The following MYO7A variants were observed in gnomAD, a reference collection of about 807,000 sequenced individuals.
The protein encoded by MYO7A is myosin VIIA, also known as unconventional myosin-VIIa.
Under a neutral mutation model 263.8 loss-of-function variants are expected in MYO7A, and 210 were observed. That is an observed-to-expected ratio of 0.80 (90% CI 0.71 to 0.89). The LOEUF (loss-of-function observed/expected upper bound fraction) is 0.89. MYO7A is among the 40% of genes least tolerant of loss of function. The pLI is 0.00. For missense variants in MYO7A, 2,820 were observed against 2,968.3 expected, an observed-to-expected ratio of 0.95 and a Z score of 1.16; for synonymous variants, 1,239 against 1,197.3, an observed-to-expected ratio of 1.03 and a Z score of -0.72.
In MYO7A at chr11:77,156,016, C is replaced by G. The variant is rs370395532; in HGVS notation, c.395C>G (p.Pro132Arg). 2 of 1,613,986 alleles carry G rather than the reference C, an allele frequency of 1.2e-6. No homozygotes were observed. Among genetic ancestry groups the G allele is most frequent in the East Asian group, 2.2e-5 (1 of 44,890 alleles). Residue 132 changes from proline to arginine, a missense_variant, in exon 5 of 49, where the codon CCC becomes CGC. Physicochemically the swap from Pro to Arg is moderately radical, Grantham distance 103 (BLOSUM62 -2). Transcript: ENST00000409709. ...YTNKKIGEMP[P>R]HIFAIADNCY... ...AACAAGAAGATTGGGGAGATGCCCC[C>G]CCACATCTTTGCCATTGCTGACAAC...
At chr11:77,175,072 A>T (rs1470052044) in intron 17 of MYO7A, among the ~76,000 whole-genome samples, 158 bp downstream of exon 17, 1 of 152,196 alleles carries the variant, frequency 6.6e-6, no homozygotes, top group African/African-American at 2.4e-5. Context: ...GGAATGCATC[A>T]GTGGGCTTCA....
At chr11:77,198,794 G>A (rs1490962754) in intron 34 of MYO7A, among the ~76,000 whole-genome samples, 173 bp downstream of exon 34, 2 of 152,224 alleles carry the variant, frequency 1.3e-5, no homozygotes, top group African/African-American at 4.8e-5. Flanking sequence ...TGGAGGGATG[G>A]GCTTGGGCTT....
rs1565421180 is a variant in MYO7A at position 77,184,722 on chromosome 11, GC to G, written c.3503+9del. The G allele has an allele frequency of 1.3e-6, 2 of 1,554,166 alleles. No individual in the cohort carries two copies. Among genetic ancestry groups the G allele is most frequent in the African/African-American group, 3.0e-5 (2 of 66,046 alleles). ...TCCTGCGGCCAGCACTCCGGTCAGT[GC>G]CGGGAGGCGGGGACACCAGGGCCTG... On this transcript the variant is annotated splice_region_variant and intron_variant, in intron 27 of 48. Transcript: ENST00000409709.
At chr11:77,190,898 C>A (rs148509471) in intron 30 of MYO7A, 28 bp downstream of exon 30, 1 of 1,526,814 alleles carries the variant, frequency 6.5e-7, no homozygotes, top group South Asian at 1.2e-5. Context: ...CACCTCCTCC[C>A]GGAAGCACCT....
At chr11:77,189,201 A>G in intron 27 of MYO7A, 143 bp from the exon 28 acceptor site, 1 of 1,225,010 alleles carries the variant, frequency 8.2e-7, no homozygotes, top group Non-Finnish European at 1.1e-6. Flanking sequence ...CCTGCCACCC[A>G]GCCTCACTCT....
rs757971917 is a variant in MYO7A, at chr11:77,199,613, C to A, written c.4647C>A (p.Thr1549=). The change falls in exon 35 of 49, where the codon ACC becomes ACA. Residue 1549 remains threonine, a synonymous_variant. Transcript: ENST00000409709. ...AAPHSGWAGL[T]PAGPCSPCWS... Reference sequence around the variant, plus strand: ...CTCACTCAGGCTGGGCAGGACTGACCCCGGCGGGGCCCTGTTCTCCGTGTT... The same window carrying A: ...CTCACTCAGGCTGGGCAGGACTGACACCGGCGGGGCCCTGTTCTCCGTGTT... 101 of 1,602,340 alleles carry A rather than the reference C, an allele frequency of 6.3e-5. No homozygotes were observed. Among genetic ancestry groups the A allele is most frequent in the Non-Finnish European group, 8.2e-5 (96 of 1,175,194 alleles).
intron 4 of MYO7A, among the ~76,000 whole-genome samples, chr11:77,150,083 A>G (rs1223433612): frequency 6.6e-6 from 1 of 152,202 alleles, no homozygotes; most frequent in Admixed American, 6.5e-5. Context: ...ACCTGCCTGC[A>G]GGGTACTTCC....
At chr11:77,145,490 G>C (rs1434188351) in intron 3 of MYO7A, among the ~76,000 whole-genome samples, 1 of 152,200 alleles carries the variant, frequency 6.6e-6, no homozygotes, top group African/African-American at 2.4e-5. Context: ...GGGACCTGAG[G>C]CTGGGGTCAA....
intron 3 of MYO7A, among the ~76,000 whole-genome samples, chr11:77,143,564 G>A (rs186411254): frequency 5.1e-4 from 78 of 152,372 alleles, no homozygotes; most frequent in Middle Eastern, 3.4e-3. Flanking sequence ...GTTCACGTGA[G>A]GGCCCGGAGG....
At chr11:77,156,554 A>T in intron 5 of MYO7A, 106 bp from the exon 6 acceptor site, 1 of 1,515,400 alleles carries the variant, frequency 6.6e-7, no homozygotes. Context: ...TTGTCAGCTG[A>T]TATTACAGAT....
At chr11:77,196,242 C>A (rs1432766078) in intron 32 of MYO7A, among the ~76,000 whole-genome samples, 1 of 152,148 alleles carries the variant, frequency 6.6e-6, no homozygotes, top group Non-Finnish European at 1.5e-5. Context: ...TGGTGGGTGC[C>A]TGTGATCCTA....
At chr11:77,181,677 C>T (rs781843245) in intron 23 of MYO7A, 88 bp downstream of exon 23, 1 of 1,281,176 alleles carries the variant, frequency 7.8e-7, no homozygotes, top group Non-Finnish European at 1.1e-6. Context: ...CCTTAAAGCC[C>T]ACCCAGTCCC....
intron 25 of MYO7A, among the ~76,000 whole-genome samples, chr11:77,182,856 G>A (rs999249086): frequency 3.9e-5 from 6 of 152,194 alleles, no homozygotes; most frequent in Non-Finnish European, 7.3e-5. Flanking sequence ...GCCAGCTCCC[G>A]TACTATGTTT....
rs1383845844 is a variant in MYO7A, at chr11:77,211,814, C to T, written c.6238-7C>T. The stretch of plus-strand genomic sequence containing the variant: ...TGAGCCCAGCCCTGACCGCCCTGTC[C>T]CCATAGTCCATCGTCGCCTACTTCA... On this transcript the variant is annotated splice_polypyrimidine_tract_variant and splice_region_variant and intron_variant, in intron 45 of 48. Coordinates refer to ENST00000409709, the MANE Select transcript of MYO7A (RefSeq NM_000260.4). 6.2e-7 allele frequency: 1 copy of T among 1,612,276 alleles called. No individual in the cohort carries two copies. Among genetic ancestry groups the T allele is most frequent in the Admixed American group, 1.7e-5 (1 of 60,020 alleles).
chr11:77,214,781 A>T lies in MYO7A; in HGVS notation c.*85A>T. On this transcript the variant is annotated 3_prime_UTR_variant, in exon 49 of 49. Coordinates refer to ENST00000409709, the MANE Select transcript of MYO7A (RefSeq NM_000260.4). ...CATCAGCTACCCCTGCAGCTGGGGA[A>T]GACTTATGCCATCCCGGCAGCGAGG... 1 of 1,148,914 alleles carries T rather than the reference A, an allele frequency of 8.7e-7. No homozygotes were observed. The highest frequency in any genetic ancestry group is 1.3e-6 in the Non-Finnish European group (1 of 795,728). The allele number at this position is 1,148,914 out of a possible 1,614,324, so 71.2% of individuals were successfully genotyped here.
intron 27 of MYO7A, 85 bp from the exon 28 acceptor site, chr11:77,189,259 C>T (rs1462537191): frequency 1.8e-5 from 28 of 1,564,796 alleles, no homozygotes; most frequent in Non-Finnish European, 2.3e-5. Context: ...AGCTGTGTGG[C>T]GTCCCACTGG....
intron 46 of MYO7A, chr11:77,212,206 C>T (rs1335007266): frequency 6.9e-6 from 4 of 582,234 alleles, no homozygotes; most frequent in Non-Finnish European, 1.3e-5. Context: ...TGTTCTGACA[C>T]TGGGGAGCCC....
At chr11:77,154,157 C>A (rs550062780) in intron 4 of MYO7A, among the ~76,000 whole-genome samples, 63 of 152,334 alleles carry the variant, frequency 4.1e-4, no homozygotes, top group Admixed American at 9.8e-4. Flanking sequence ...AGGCGCCTGG[C>A]AAAGGTTATG....
At chr11:77,137,306 G>T (rs1401594281) in intron 2 of MYO7A, among the ~76,000 whole-genome samples, 2 of 152,164 alleles carry the variant, frequency 1.3e-5, no homozygotes, top group African/African-American at 4.8e-5. Flanking sequence ...TCTGAGCCCT[G>T]TGTGAGGCAT....
Sources: allele counts gnomAD v4.1 joint callset (sites outside exome capture counted in the v4.1 genomes callset), GRCh38; gene constraint gnomAD v4.1.1; transcripts MANE v1.5; gene names NCBI Gene and HGNC (gene_info 2026-07-23, HGNC 2026-07-21).